The following EYS variants were observed in gnomAD, a reference collection of about 807,000 sequenced individuals.
EYS encodes EGF-like photoreceptor maintenance factor.
A neutral mutation model predicts 282.1 loss-of-function variants in EYS; 250 were observed. That is an observed-to-expected ratio of 0.89 (90% CI 0.80 to 0.98). The LOEUF is 0.98. Ranked by LOEUF, EYS falls within the 50% of genes least tolerant of loss-of-function variation. The pLI, the probability that EYS is intolerant of heterozygous loss-of-function variation, is 0.00. For missense variants in EYS, 4,016 were observed against 3,709.0 expected, an observed-to-expected ratio of 1.08 and a Z score of -2.15; for synonymous variants, 1,355 against 1,282.9, an observed-to-expected ratio of 1.06 and a Z score of -1.20.
chr6:64,973,937 A>AT (rs1000177986), intron 14 of EYS, among the ~76,000 whole-genome samples: 2 of 151,904 alleles, frequency 1.3e-5, no homozygotes, highest in African/African-American at 4.8e-5. Flanking sequence ...AAGATAATTC[A>AT]TTTTTTCCCT....
chr6:65,202,795 A>G (rs541202809), intron 12 of EYS, among the ~76,000 whole-genome samples: 2 of 152,152 alleles, frequency 1.3e-5, no homozygotes, highest in Non-Finnish European at 2.9e-5. Flanking sequence ...GCCAGTTGCC[A>G]GAGTGGATGC....
chr6:63,751,464 T>C (rs143833625), intron 41 of EYS, among the ~76,000 whole-genome samples: 1,793 of 152,344 alleles, frequency 0.012, 16 homozygotes, highest in Middle Eastern at 0.041. Flanking sequence ...GATAAGTGCA[T>C]ATGATTTTAT....
intron 12 of EYS, among the ~76,000 whole-genome samples, chr6:65,130,012 T>C (rs1775825841): frequency 6.6e-6 from 1 of 151,892 alleles, no homozygotes; most frequent in Non-Finnish European, 1.5e-5. Flanking sequence ...TGCAGCAACA[T>C]GGATGTAGCT....
At chr6:64,882,165 C>G (rs1469232498) in intron 19 of EYS, among the ~76,000 whole-genome samples, 1 of 151,624 alleles carries the variant, frequency 6.6e-6, no homozygotes, top group Non-Finnish European at 1.5e-5. Flanking sequence ...TACCCAAATA[C>G]CAGGGACAAT....
chr6:64,758,954 C>T (rs1773069008), intron 22 of EYS, among the ~76,000 whole-genome samples: 1 of 151,984 alleles, frequency 6.6e-6, no homozygotes, highest in South Asian at 2.1e-4. Flanking sequence ...CTGGCTAACA[C>T]GGTGAAACCC....
intron 31 of EYS, among the ~76,000 whole-genome samples, chr6:64,143,481 T>G (rs1398505894): frequency 6.6e-5 from 10 of 152,144 alleles, no homozygotes; most frequent in Admixed American, 6.6e-4. Context: ...CATTCAATTT[T>G]TCTGTAACCT....
intron 26 of EYS, among the ~76,000 whole-genome samples, chr6:64,582,187 C>T (rs1241171091): frequency 1.3e-5 from 2 of 152,080 alleles, no homozygotes; most frequent in African/African-American, 4.8e-5. Context: ...GGTCTCCAAC[C>T]CCTGGGCCAT....
At chr6:63,911,628 A>T (rs1468971568) in intron 35 of EYS, among the ~76,000 whole-genome samples, 1 of 152,252 alleles carries the variant, frequency 6.6e-6, no homozygotes, top group Non-Finnish European at 1.5e-5. Context: ...GACCTGGGTC[A>T]TTCCTTGTTA....
chr6:64,791,350 T>G (rs2150000495), intron 22 of EYS, among the ~76,000 whole-genome samples: 1 of 151,840 alleles, frequency 6.6e-6, no homozygotes, highest in South Asian at 2.1e-4. Flanking sequence ...GTTTGTTCAT[T>G]AAGACCTAAA....
chr6:65,119,910 G>A (rs771089640), intron 12 of EYS, among the ~76,000 whole-genome samples: 1 of 150,630 alleles, frequency 6.6e-6, no homozygotes, highest in African/African-American at 2.4e-5. Flanking sequence ...GGCCGAGGTG[G>A]GCGGATCACG....
In EYS at chr6:65,535,824, A is replaced by T. The variant is rs1203224848; in HGVS notation, c.-332-39831T>A. Among the ~76,000 whole-genome samples the T allele has an allele frequency of 2.0e-5, 3 of 152,192 alleles. No individual in the cohort carries two copies. The East Asian group carries it at 5.8e-4, about 29-fold the overall frequency. ...TTAAATGTTAATTTCACTTAAAAACACCCTCACAGAAACACCCAGAATAAT... is the reference window on the plus strand; with the variant it reads ...TTAAATGTTAATTTCACTTAAAAACTCCCTCACAGAAACACCCAGAATAAT... On this transcript the variant is annotated intron_variant, in intron 2 of 42. Transcript: ENST00000503581.
In EYS at chr6:65,595,866, A is replaced by G. The variant is rs146636720; in HGVS notation, c.-333+43912T>C. Among the ~76,000 whole-genome samples the G allele has an allele frequency of 2.0e-4, 31 of 152,180 alleles. No homozygotes were observed. In the East Asian group the frequency reaches 6.0e-3, roughly 29 times the overall value. ...TAAAGACTTGTTTTTAATGAATGGA[A>G]AATATCAGAAATAATGGGATATTAC... On this transcript the variant is annotated intron_variant, in intron 2 of 42. Transcript: ENST00000503581.
At chr6:64,430,906 GTTAAATAAATGAACTTT>G (rs1774556499) in intron 28 of EYS, among the ~76,000 whole-genome samples, 1 of 152,102 alleles carries the variant, frequency 6.6e-6, no homozygotes, top group Non-Finnish European at 1.5e-5. Flanking sequence ...TTTGAGTAAG[GTTAAATAAATGAACTTT>G]TCACAAAGAT....
chr6:65,596,153 T>C (rs1409780741), intron 2 of EYS, among the ~76,000 whole-genome samples: 1 of 152,062 alleles, frequency 6.6e-6, no homozygotes, highest in African/African-American at 2.4e-5. Flanking sequence ...TTGGGGTGGA[T>C]TATCTTCCAA....
At chr6:64,695,414 C>T (rs140571730) in intron 22 of EYS, among the ~76,000 whole-genome samples, 1 of 152,174 alleles carries the variant, frequency 6.6e-6, no homozygotes, top group Non-Finnish European at 1.5e-5. Context: ...CATTGCACCC[C>T]AGCTACTGAG....
At chr6:64,337,192 C>G (rs753277547) in intron 29 of EYS, among the ~76,000 whole-genome samples, 6 of 151,972 alleles carry the variant, frequency 3.9e-5, no homozygotes, top group Non-Finnish European at 7.4e-5. Context: ...AAACAAAAAG[C>G]TGGTTCTTTG....
chr6:64,025,372 C>T (rs1264426448), intron 33 of EYS, among the ~76,000 whole-genome samples: 1 of 152,138 alleles, frequency 6.6e-6, no homozygotes, highest in Non-Finnish European at 1.5e-5. Flanking sequence ...ATGAGCGGAA[C>T]TCTCAAATGC....
intron 35 of EYS, among the ~76,000 whole-genome samples, chr6:63,908,625 A>G (rs1396105848): frequency 6.6e-6 from 1 of 151,688 alleles, no homozygotes; most frequent in Non-Finnish European, 1.5e-5. Flanking sequence ...TAATTTTTGT[A>G]ATTTTAGTAG....
intron 29 of EYS, among the ~76,000 whole-genome samples, chr6:64,343,746 C>T (rs906590481): frequency 1.3e-5 from 2 of 151,924 alleles, no homozygotes; most frequent in African/African-American, 4.8e-5. Flanking sequence ...AAAAACCCTT[C>T]AAAAAATCAG....
Sources: allele counts gnomAD v4.1 joint callset (sites outside exome capture counted in the v4.1 genomes callset), GRCh38; gene constraint gnomAD v4.1.1; transcripts MANE v1.5; gene names NCBI Gene and HGNC (gene_info 2026-07-23, HGNC 2026-07-21).